Variants in CPM observed in about 807,000 individuals in gnomAD.
CPM encodes renal carboxypeptidase.
A neutral mutation model predicts 46.4 loss-of-function variants in CPM; 35 were observed. The observed-to-expected ratio is 0.75, with a 90% confidence interval of 0.58 to 1.00. The LOEUF is 1.00. Among genes scored for constraint, CPM ranks in the 50% least tolerant of loss-of-function variants. The pLI is 0.00. For missense variants in CPM, 422 were observed against 530.4 expected (o/e 0.80, Z 2.01); for synonymous variants, 195 against 195.3 (o/e 1.00, Z 0.01).
intron 5 of CPM, chr12:68,843,764 G>A (rs529320322): frequency 4.5e-6 from 1 of 223,256 alleles, no homozygotes; most frequent in South Asian, 1.8e-4. Context: ...ACCTGTGGAG[G>A]TCCTCCAAGC....
chr12:68,885,738 AC>A, intron 3 of CPM, 53 bp downstream of exon 3: 2 of 1,403,662 alleles, frequency 1.4e-6, no homozygotes, highest in Non-Finnish European at 1.0e-6. Flanking sequence ...AGCTCAAGAG[AC>A]CCTAGGGGAA....
At chr12:68,886,408 A>G (rs915893465) in intron 2 of CPM, among the ~76,000 whole-genome samples, 5 of 152,048 alleles carry the variant, frequency 3.3e-5, no homozygotes, top group Non-Finnish European at 7.4e-5. Flanking sequence ...CGAGGCGGGC[A>G]GATCACGAGG....
chr12:68,949,165 G>A (rs1888895433), intron 1 of CPM, among the ~76,000 whole-genome samples: 1 of 152,120 alleles, frequency 6.6e-6, no homozygotes, highest in Non-Finnish European at 1.5e-5. Context: ...GAGTCTAGAA[G>A]TTCAATACCA....
chr12:68,847,171 GTTTA>G (rs1299932059), downstream of CPM: 15 of 78,620 alleles, frequency 1.9e-4, no homozygotes, highest in Non-Finnish European at 3.9e-4. Flanking sequence ...ATACATATGT[GTTTA>G]TGTATGTATG....
chr12:68,960,399 T>C (rs1427172744), intron 1 of CPM, among the ~76,000 whole-genome samples: 1 of 152,230 alleles, frequency 6.6e-6, no homozygotes, highest in Non-Finnish European at 1.5e-5. Context: ...GATTTCTCTC[T>C]GAAACGTGGA....
At chr12:68,923,216 T>TC (rs1487285170) in intron 2 of CPM, among the ~76,000 whole-genome samples, 224 of 140,812 alleles carry the variant, frequency 1.6e-3, no homozygotes, top group Non-Finnish European at 2.7e-3. Flanking sequence ...TGTGTGTGTT[T>TC]TGAGTAATTT....
At chr12:68,935,000 C>A (rs141736583), upstream of CPM, among the ~76,000 whole-genome samples, 544 of 152,254 alleles carry the variant, frequency 3.6e-3, 7 homozygotes, top group African/African-American at 0.012. Flanking sequence ...GCAACCTCCT[C>A]TCAGGTTCAA....
intron 3 of CPM, among the ~76,000 whole-genome samples, chr12:68,879,174 C>T (rs893818842): frequency 2.6e-5 from 4 of 152,110 alleles, no homozygotes; most frequent in East Asian, 1.9e-4. Context: ...CGTTACAGAG[C>T]GAGATCCCAA....
chr12:68,916,435 C>T (rs189705511), intron 2 of CPM, among the ~76,000 whole-genome samples: 7 of 152,290 alleles, frequency 4.6e-5, no homozygotes, highest in South Asian at 2.1e-4. Flanking sequence ...CATTCAATTA[C>T]GGCATTCAAA....
At chr12:68,914,920 A>G (rs1356553869) in intron 2 of CPM, among the ~76,000 whole-genome samples, 2 of 152,214 alleles carry the variant, frequency 1.3e-5, no homozygotes, top group African/African-American at 4.8e-5. Flanking sequence ...TATCTGTAAA[A>G]CAGGGATAAT....
intron 1 of CPM, among the ~76,000 whole-genome samples, chr12:68,942,873 T>A (rs1335165164): frequency 6.6e-6 from 1 of 152,144 alleles, no homozygotes; most frequent in Non-Finnish European, 1.5e-5. Context: ...TGTAATCAGA[T>A]CAAAGTTTGA....
chr12:68,941,173 G>A (rs1337600425), intron 1 of CPM, among the ~76,000 whole-genome samples: 1 of 140,006 alleles, frequency 7.1e-6, no homozygotes, highest in Non-Finnish European at 1.6e-5. Flanking sequence ...CTGAGTACGT[G>A]TGTGTGTGTG....
At chr12:68,957,565 C>G in intron 1 of CPM, 1 of 163,848 alleles carries the variant, frequency 6.1e-6, no homozygotes, top group Non-Finnish European at 1.4e-5. Flanking sequence ...TCCCAGAAGA[C>G]TGACTTTTCC....
intron 5 of CPM, chr12:68,845,049 T>G (rs1884163564): frequency 9.6e-6 from 2 of 207,880 alleles, no homozygotes; most frequent in Non-Finnish European, 2.0e-5. Context: ...ATTACAGGCG[T>G]GAGCCGCCAC....
At chr12:68,870,553 C>T (rs1178809450) in intron 4 of CPM, among the ~76,000 whole-genome samples, 154 bp from the exon 5 acceptor site, 1 of 152,176 alleles carries the variant, frequency 6.6e-6, no homozygotes, top group African/African-American at 2.4e-5. Flanking sequence ...ATGACCCACA[C>T]CTGGCACTTA....
At chr12:68,910,099 A>G (rs1038233785) in intron 2 of CPM, among the ~76,000 whole-genome samples, 1 of 152,204 alleles carries the variant, frequency 6.6e-6, no homozygotes, top group African/African-American at 2.4e-5. Context: ...TTGATTTAGT[A>G]GTGCCTATCT....
chr12:68,890,203 C>G (rs1433844342), intron 2 of CPM, among the ~76,000 whole-genome samples: 1 of 152,110 alleles, frequency 6.6e-6, no homozygotes, highest in Non-Finnish European at 1.5e-5. Context: ...TGCCACTGCA[C>G]TCCAGCCTGG....
At chr12:68,902,194 T>C (rs1887143625) in intron 2 of CPM, among the ~76,000 whole-genome samples, 1 of 152,196 alleles carries the variant, frequency 6.6e-6, no homozygotes, top group Admixed American at 6.5e-5. Context: ...AATATGAGCA[T>C]ACTATCATTC....
At chr12:68,879,026 A>C (rs1037750262) in intron 3 of CPM, among the ~76,000 whole-genome samples, 3 of 152,092 alleles carry the variant, frequency 2.0e-5, no homozygotes, top group Non-Finnish European at 4.4e-5. Flanking sequence ...CATCTCTACA[A>C]AAAATAAAAA....
Sources: gnomAD v4.1 joint callset for allele counts (sites outside exome capture counted in the v4.1 genomes callset) on GRCh38, gnomAD v4.1.1 for gene constraint, MANE v1.5 for transcripts, NCBI Gene and HGNC (gene_info 2026-07-23, HGNC 2026-07-21) for gene names.